SCAF8: variants seen among roughly 807,000 people sequenced by gnomAD.
SCAF8 encodes SR-related and CTD-associated factor 8.
Under a neutral mutation model 140.5 loss-of-function variants are expected in SCAF8, and 23 were observed. The ratio of observed to expected loss-of-function variants is 0.16; its 90% CI spans 0.12 to 0.23. The LOEUF is 0.23. SCAF8 is among the 10% of genes least tolerant of loss of function. The pLI is 1.00. For missense variants in SCAF8, 1,397 were observed against 1,555.7 expected (o/e 0.90, Z 1.72); for synonymous variants, 575 against 528.9 (o/e 1.09, Z -1.20).
chr6:154,800,016 CTT>C (rs1777725078), intron 6 of SCAF8, among the ~76,000 whole-genome samples: 1 of 151,242 alleles, frequency 6.6e-6, no homozygotes, highest in Non-Finnish European at 1.5e-5. Context: ...AAACTCCTGA[CTT>C]TAAGTGATCC....
intron 1 of SCAF8, among the ~76,000 whole-genome samples, chr6:154,748,956 T>G (rs972133480): frequency 6.6e-6 from 1 of 152,228 alleles, no homozygotes; most frequent in Non-Finnish European, 1.5e-5. Context: ...AATGTCTTTT[T>G]TTTTGAGACG....
chr6:154,817,206 C>T (rs904688665), intron 13 of SCAF8, among the ~76,000 whole-genome samples: 3 of 152,158 alleles, frequency 2.0e-5, no homozygotes, highest in Non-Finnish European at 2.9e-5. Flanking sequence ...TGCTCGATGT[C>T]TTCAAATTTT....
At position 154,777,827 on chromosome 6, in the gene SCAF8, T is replaced by C. The variant is rs548630063; in HGVS notation, c.115-174T>C. Among the ~76,000 whole-genome samples, 8 of 152,330 alleles carry C rather than the reference T, an allele frequency of 5.3e-5. No homozygotes were observed. In the South Asian group the frequency reaches 1.2e-3, roughly 24 times the overall value. On this transcript the variant is annotated intron_variant, in intron 2 of 19. Coordinates refer to ENST00000367178, the MANE Select transcript of SCAF8 (RefSeq NM_014892.5). ...CTTTAGAGAAGCCCTTTACTAATTATATAGCACAGCTAGTTGCATATAAAG... is the reference window on the plus strand; with the variant it reads ...CTTTAGAGAAGCCCTTTACTAATTACATAGCACAGCTAGTTGCATATAAAG...
chr6:154,740,313 G>T (rs1778535175), intron 1 of SCAF8, among the ~76,000 whole-genome samples: 1 of 152,108 alleles, frequency 6.6e-6, no homozygotes, highest in South Asian at 2.1e-4. Context: ...TGCATTAGAT[G>T]CCACTAGCAC....
chr6:154,771,503 G>GT (rs1292249894), intron 1 of SCAF8, among the ~76,000 whole-genome samples: 3 of 152,254 alleles, frequency 2.0e-5, no homozygotes, highest in East Asian at 1.9e-4. Context: ...AAATATACAG[G>GT]TTTTTTTGTA....
At chr6:154,818,750 C>G (rs1032672542) in intron 14 of SCAF8, among the ~76,000 whole-genome samples, 158 bp downstream of exon 14, 1 of 152,074 alleles carries the variant, frequency 6.6e-6, no homozygotes, top group Non-Finnish European at 1.5e-5. Context: ...TATGGACAAA[C>G]CTCATCAGAA....
intron 4 of SCAF8, 41 bp from the exon 5 acceptor site, chr6:154,792,782 G>A: frequency 1.4e-6 from 2 of 1,475,596 alleles, no homozygotes; most frequent in Non-Finnish European, 9.2e-7. Flanking sequence ...CTAAGGTTTT[G>A]AGAGTAAAAA....
intron 1 of SCAF8, among the ~76,000 whole-genome samples, chr6:154,741,521 C>T (rs1440203297): frequency 6.6e-6 from 1 of 152,056 alleles, no homozygotes; most frequent in Non-Finnish European, 1.5e-5. Flanking sequence ...ATTCTCCTGC[C>T]TCAGCCTCCC....
intron 6 of SCAF8, among the ~76,000 whole-genome samples, chr6:154,796,901 A>G (rs1777624209): frequency 6.6e-6 from 1 of 151,838 alleles, no homozygotes; most frequent in Admixed American, 6.6e-5. Flanking sequence ...GAACCTCAGA[A>G]GTGGAGGTTA....
At position 154,832,151 on chromosome 6, in the gene SCAF8, C is replaced by G; in HGVS notation, c.2572C>G (p.Gln858Glu). The G allele has an allele frequency of 6.2e-7, 1 of 1,614,102 alleles. No homozygotes were observed. Among genetic ancestry groups the G allele is most frequent in the Non-Finnish European group, 8.5e-7 (1 of 1,179,982 alleles). Residue 858 changes from glutamine to glutamate, a missense_variant, in exon 20 of 20, where the codon CAG becomes GAG. Transcript: ENST00000367178. ...ILNNSGILGI[Q>E]PPSVSNSSGL... ...AAATAACTCTGGAATATTGGGAATA[C>G]AGCCACCCAGTGTGTCAAATAGTTC...
chr6:154,807,099 C>CTACT (rs1020954571), intron 9 of SCAF8, among the ~76,000 whole-genome samples: 1 of 152,130 alleles, frequency 6.6e-6, no homozygotes, highest in Non-Finnish European at 1.5e-5. Flanking sequence ...GCACTGTAAT[C>CTACT]GTAGTACTTT....
intron 1 of SCAF8, among the ~76,000 whole-genome samples, chr6:154,771,389 C>A (rs1186006666): frequency 6.6e-6 from 1 of 152,020 alleles, no homozygotes; most frequent in Admixed American, 6.6e-5. Flanking sequence ...GGCCCTGTGG[C>A]AGGGACCTGA....
chr6:154,744,495 T>C (rs556450650), intron 1 of SCAF8, among the ~76,000 whole-genome samples: 31 of 152,356 alleles, frequency 2.0e-4, no homozygotes, highest in African/African-American at 7.0e-4. Context: ...CGTGGATCTT[T>C]AGTATTAACT....
intron 3 of SCAF8, among the ~76,000 whole-genome samples, chr6:154,779,159 T>A (rs1164817465): frequency 2.6e-5 from 4 of 151,986 alleles, no homozygotes; most frequent in African/African-American, 9.7e-5. Context: ...CAGCCTCCCC[T>A]GTAGCTGGGA....
At chr6:154,772,230 G>A (rs1226104615) in intron 1 of SCAF8, among the ~76,000 whole-genome samples, 1 of 152,280 alleles carries the variant, frequency 6.6e-6, no homozygotes, top group East Asian at 1.9e-4. Flanking sequence ...TGTTCTGATG[G>A]CCAAAGTTTA....
intron 8 of SCAF8, among the ~76,000 whole-genome samples, chr6:154,804,395 G>T (rs892264073): frequency 1.8e-4 from 28 of 152,116 alleles, no homozygotes; most frequent in African/African-American, 6.8e-4. Context: ...AGCAGCATTT[G>T]AAATCATGTT....
Position 154,792,970 on chromosome 6 carries a change from A to G in SCAF8, c.469A>G (p.Thr157Ala). 1 of 1,606,668 alleles carries G rather than the reference A, an allele frequency of 6.2e-7. No individual in the cohort carries two copies. Among genetic ancestry groups the G allele is most frequent in the Non-Finnish European group, 8.5e-7 (1 of 1,177,448 alleles). Residue 157 changes from threonine to alanine, a missense_variant, in exon 5 of 20, where the codon ACT becomes GCT. Around this residue, in one of 5 missense-constraint regions of SCAF8, gnomAD observed 339 missense variants for 407.5 expected, o/e 0.83. Transcript: ENST00000367178. The stretch of plus-strand genomic sequence containing the variant: ...CAGCACTACCACTGCTATGAGCAAT[A>G]CTCCAGGTATGTTGCTTTAATATAG... Reference protein sequence around the residue: ...LASTTTAMSNTPGTPVTPVTP... With the variant: ...LASTTTAMSNAPGTPVTPVTP...
chr6:154,830,032 C>T (rs775647810), intron 18 of SCAF8, among the ~76,000 whole-genome samples: 37 of 152,206 alleles, frequency 2.4e-4, no homozygotes, highest in Admixed American at 7.2e-4. Flanking sequence ...TTCACAGAGG[C>T]TTACCCTAGG....
chr6:154,750,011 G>A (rs929153541), intron 1 of SCAF8, among the ~76,000 whole-genome samples: 2 of 151,886 alleles, frequency 1.3e-5, no homozygotes, highest in Admixed American at 6.6e-5. Flanking sequence ...GAAGATGGGT[G>A]TTGCCAGGGC....
Sources: gnomAD v4.1 joint callset for allele counts (sites outside exome capture counted in the v4.1 genomes callset) on GRCh38, gnomAD v4.1.1 for gene constraint, gnomAD v4.1.1 regional missense constraint, MANE v1.5 for transcripts, NCBI Gene and HGNC (gene_info 2026-07-23, HGNC 2026-07-21) for gene names.